Variants in DAAM1 observed in about 807,000 individuals in gnomAD.
DAAM1 encodes disheveled-associated activator of morphogenesis 1.
A neutral mutation model predicts 130.0 loss-of-function variants in DAAM1; 52 were observed. That is an observed-to-expected ratio of 0.40 (90% CI 0.32 to 0.50). The LOEUF (loss-of-function observed/expected upper bound fraction) is 0.50. DAAM1 is among the 20% of genes least tolerant of loss of function. The probability of loss-of-function intolerance (pLI) is 0.61; values close to 1 mark genes in which losing one functional copy is unlikely to be tolerated. For synonymous variants in DAAM1, 452 were observed against 444.5 expected, an observed-to-expected ratio of 1.02 and a Z score of -0.21; for missense variants, 1,134 against 1,303.8, an observed-to-expected ratio of 0.87 and a Z score of 2.01.
intron 2 of DAAM1, among the ~76,000 whole-genome samples, chr14:59,278,100 T>G (rs1883050993): frequency 2.6e-5 from 4 of 152,214 alleles, no homozygotes; most frequent in African/African-American, 9.6e-5. Flanking sequence ...TAAATGTTAA[T>G]GTGAATGTGG....
chr14:59,307,166 A>G (rs1036738053), intron 3 of DAAM1, among the ~76,000 whole-genome samples: 3 of 152,236 alleles, frequency 2.0e-5, no homozygotes, highest in African/African-American at 7.2e-5. Flanking sequence ...CTTAAGAGTC[A>G]TCTCTACTTT....
intron 12 of DAAM1, among the ~76,000 whole-genome samples, chr14:59,328,338 A>T (rs1400580112): frequency 6.6e-6 from 1 of 152,262 alleles, no homozygotes; most frequent in African/African-American, 2.4e-5. Flanking sequence ...TGATAGAAAC[A>T]TTGACTAAAA....
chr14:59,241,844 G>A (rs565166762), intron 1 of DAAM1, among the ~76,000 whole-genome samples: 5 of 152,126 alleles, frequency 3.3e-5, no homozygotes, highest in South Asian at 2.1e-4. Context: ...TCCTAGATCC[G>A]GGGCTTATTT....
chr14:59,220,534 A>G (rs1888736090), intron 1 of DAAM1, among the ~76,000 whole-genome samples: 1 of 152,182 alleles, frequency 6.6e-6, no homozygotes, highest in South Asian at 2.1e-4. Context: ...TTGTTTTCTC[A>G]AGGAAACAGG....
At chr14:59,278,709 G>C (rs61986052) in intron 2 of DAAM1, among the ~76,000 whole-genome samples, 9,881 of 152,126 alleles carry the variant, frequency 0.065, 414 homozygotes, top group Non-Finnish European at 0.097. Flanking sequence ...CTGTTGCTTG[G>C]CCTAAATGGA....
chr14:59,314,106 C>T (rs186402002), intron 3 of DAAM1, among the ~76,000 whole-genome samples: 211 of 152,190 alleles, frequency 1.4e-3, no homozygotes, highest in Middle Eastern at 3.4e-3. Context: ...AGTGTTTTTT[C>T]GAGGCACAGT....
chr14:59,205,135 C>T (rs1342730491), intron 1 of DAAM1, among the ~76,000 whole-genome samples: 3 of 152,194 alleles, frequency 2.0e-5, no homozygotes, highest in Non-Finnish European at 4.4e-5. Context: ...TTTCCACAGT[C>T]TGGAACTCTT....
Position 59,315,497 on chromosome 14 carries a change from A to G in DAAM1, c.345+146A>G, listed in dbSNP as rs1441636998. 5.2e-6 allele frequency: 4 copies of G among 769,374 alleles called. No homozygotes were observed. The African/African-American group carries it at 7.0e-5, about 13-fold the overall frequency. The allele number at this position is 769,374 out of a possible 1,614,324, so 47.7% of individuals were successfully genotyped here. On this transcript the variant is annotated intron_variant, in intron 4 of 24. Transcript: ENST00000360909. Reference sequence around the variant, plus strand: ...CCATCCTAAACATTCAATGCTGGGGAAAGGAAAGAGGGTAGGAGGGATACT... The same window carrying G: ...CCATCCTAAACATTCAATGCTGGGGGAAGGAAAGAGGGTAGGAGGGATACT...
intron 1 of DAAM1, among the ~76,000 whole-genome samples, chr14:59,248,448 C>T (rs1881493778): frequency 6.6e-6 from 1 of 152,132 alleles, no homozygotes. Flanking sequence ...TCTCCTGCAG[C>T]TTCAGAAGTG....
Position 59,330,592 on chromosome 14 carries a change from T to A in DAAM1, c.1464T>A (p.Asn488Lys), listed in dbSNP as rs1061288. The change falls in exon 13 of 25, where the codon AAT (asparagine) becomes AAA (lysine). Residue 488 changes from asparagine (N) to lysine (K), a missense_variant. By Grantham distance (94) the Asn-to-Lys change is moderately conservative. Coordinates refer to ENST00000360909, the MANE Select transcript of DAAM1 (RefSeq NM_001270520.2). ...AGGAAGAGATGATGCAGACCTTAAATAAAATGAAAGAGAAACTTGAAAAGG... is the reference window on the plus strand; with the variant it reads ...AGGAAGAGATGATGCAGACCTTAAAAAAAATGAAAGAGAAACTTGAAAAGG... The part of the protein sequence containing the change: ...QEKEEMMQTL[N>K]KMKEKLEKET... 5 of 1,613,900 alleles carry A rather than the reference T, an allele frequency of 3.1e-6. No homozygotes were observed. Among genetic ancestry groups the A allele is most frequent in the Non-Finnish European group, 4.2e-6 (5 of 1,179,942 alleles).
At chr14:59,293,392 G>C (rs1006627691) in intron 3 of DAAM1, among the ~76,000 whole-genome samples, 3 of 152,096 alleles carry the variant, frequency 2.0e-5, no homozygotes, top group Admixed American at 6.5e-5. Flanking sequence ...CACACCTATC[G>C]AATCCCCTTG....
At chr14:59,341,432 G>A (rs535957155) in intron 16 of DAAM1, among the ~76,000 whole-genome samples, 9 of 152,174 alleles carry the variant, frequency 5.9e-5, no homozygotes, top group East Asian at 5.8e-4. Context: ...CACTTTCTGC[G>A]TTTTCAGTTA....
chr14:59,189,927 G>A (rs1383904985), intron 1 of DAAM1, among the ~76,000 whole-genome samples: 2 of 152,276 alleles, frequency 1.3e-5, no homozygotes, highest in Non-Finnish European at 1.5e-5. Flanking sequence ...TTTCTGGAGA[G>A]CATCAAGAGC....
At chr14:59,197,828 CA>C (rs986017170) in intron 1 of DAAM1, among the ~76,000 whole-genome samples, 3 of 152,118 alleles carry the variant, frequency 2.0e-5, no homozygotes. Flanking sequence ...TGGCTGTCTC[CA>C]GTCTGCCAAG....
chr14:59,236,523 T>G (rs1889306112), intron 1 of DAAM1, among the ~76,000 whole-genome samples: 1 of 152,168 alleles, frequency 6.6e-6, no homozygotes, highest in Non-Finnish European at 1.5e-5. Flanking sequence ...GCTGTCTTCT[T>G]GTCGTCGTTT....
At chr14:59,354,097 G>C in intron 19 of DAAM1, 133 bp downstream of exon 19, 1 of 840,012 alleles carries the variant, frequency 1.2e-6, no homozygotes, top group South Asian at 1.8e-5. Context: ...GTCTTGCACA[G>C]TTGCCCAGGC....
At chr14:59,345,300 C>T (rs569846740) in intron 16 of DAAM1, among the ~76,000 whole-genome samples, 1 of 152,300 alleles carries the variant, frequency 6.6e-6, no homozygotes, top group East Asian at 1.9e-4. Context: ...CGAAAACCAT[C>T]TGAAGAAGTC....
chr14:59,289,767 G>GATATACATATATATATATATATATATAT (rs1555360750), intron 2 of DAAM1, among the ~76,000 whole-genome samples: 1 of 110,220 alleles, frequency 9.1e-6, no homozygotes, highest in Non-Finnish European at 1.9e-5. Flanking sequence ...AACAAAATGT[G>GATATACATATATATATATATATATATAT]ATATATATAT....
intron 3 of DAAM1, among the ~76,000 whole-genome samples, chr14:59,306,275 A>G (rs1382263403): frequency 2.0e-5 from 3 of 152,188 alleles, no homozygotes; most frequent in Admixed American, 2.0e-4. Context: ...ACTCACAAGG[A>G]GAGCAGGGAA....
Sources: gnomAD v4.1 joint callset for allele counts (sites outside exome capture counted in the v4.1 genomes callset) on GRCh38, gnomAD v4.1.1 for gene constraint, MANE v1.5 for transcripts, NCBI Gene and HGNC (gene_info 2026-07-23, HGNC 2026-07-21) for gene names.